The following PRR16 variants were observed in gnomAD, a reference collection of about 807,000 sequenced individuals.
PRR16 encodes proline rich 16.
PRR16 carries 6 observed loss-of-function variants against 18.2 expected under a neutral mutation model. The ratio of observed to expected loss-of-function variants is 0.33; its 90% CI spans 0.18 to 0.65. The LOEUF (loss-of-function observed/expected upper bound fraction) is 0.65, where lower values mean the gene tolerates loss of function less well. PRR16 is among the 30% of genes least tolerant of loss of function. The pLI is 0.74. For missense variants in PRR16, 412 were observed against 376.6 expected (o/e 1.09, Z -0.78); for synonymous variants, 151 against 147.8 (o/e 1.02, Z -0.16).
intron 1 of PRR16, among the ~76,000 whole-genome samples, chr5:120,575,903 A>G (rs936962777): frequency 2.6e-5 from 4 of 152,270 alleles, no homozygotes; most frequent in African/African-American, 7.2e-5. Context: ...ATTTTAAGCA[A>G]AGGTGCCAGG....
At position 120,686,215 on chromosome 5, in the gene PRR16, G is replaced by A; in HGVS notation, c.421G>A (p.Val141Ile). 1 of 1,614,104 alleles carries A rather than the reference G, an allele frequency of 6.2e-7. No homozygotes were observed. Among genetic ancestry groups the A allele is most frequent in the Non-Finnish European group, 8.5e-7 (1 of 1,180,022 alleles). Reference protein sequence around the residue: ...PVKCEDPKRVVPTANPVKTNG... With the variant: ...PVKCEDPKRVIPTANPVKTNG... ...GAAGTGTGAAGACCCCAAAAGGGTG[G>A]TTCCAACTGCCAATCCTGTAAAAAC... The change falls in exon 2 of 2, where the codon GTT becomes ATT. Residue 141 changes from valine to isoleucine, a missense_variant. Transcript: ENST00000407149.
the PRR16 span, among the ~76,000 whole-genome samples, chr5:120,748,854 A>G: frequency 2.7e-4 from 41 of 152,300 alleles, 2 homozygotes; most frequent in African/African-American, 9.9e-4. Flanking sequence ...GCAGCAATCT[A>G]GAAACGTCAG....
chr5:120,694,157 T>G, the PRR16 span, among the ~76,000 whole-genome samples: 1 of 152,252 alleles, frequency 6.6e-6, no homozygotes, highest in Non-Finnish European at 1.5e-5. Flanking sequence ...TGACACTTCT[T>G]ACCAAATTAC....
intron 1 of PRR16, among the ~76,000 whole-genome samples, chr5:120,627,667 G>T (rs1754911471): frequency 6.6e-6 from 1 of 152,012 alleles, no homozygotes; most frequent in Admixed American, 6.6e-5. Context: ...CTATTGTGCT[G>T]GCTGGCCATA....
At chr5:120,773,565 C>T in the PRR16 span, among the ~76,000 whole-genome samples, 3 of 152,102 alleles carry the variant, frequency 2.0e-5, no homozygotes, top group African/African-American at 7.2e-5. Flanking sequence ...TGTCACACAG[C>T]CACACCTAAC....
At position 120,685,974 on chromosome 5, in the gene PRR16, C is replaced by A; in HGVS notation, c.180C>A (p.Thr60=). The A allele has an allele frequency of 6.2e-7, 1 of 1,613,570 alleles. No homozygotes were observed. Among genetic ancestry groups the A allele is most frequent in the Non-Finnish European group, 8.5e-7 (1 of 1,179,750 alleles). The change falls in exon 2 of 2, where the codon ACC becomes ACA. Residue 60 remains threonine, a synonymous_variant. Coordinates refer to ENST00000407149, the MANE Select transcript of PRR16 (RefSeq NM_001300783.2). ...ACTAGGTGGTTGACCAGATTGACAC[C>A]CTGACCTCTGACCTACAGCTGGAGG... ...ELKEVVDQID[T]LTSDLQLEDE...
At chr5:120,649,972 A>G (rs1755718985) in intron 1 of PRR16, among the ~76,000 whole-genome samples, 1 of 152,000 alleles carries the variant, frequency 6.6e-6, no homozygotes, top group Admixed American at 6.6e-5. Flanking sequence ...AAAATCAGAA[A>G]CTAGTGGGAG....
chr5:120,651,425 T>A (rs1755785458), intron 1 of PRR16, among the ~76,000 whole-genome samples: 2 of 152,124 alleles, frequency 1.3e-5, no homozygotes, highest in African/African-American at 4.8e-5. Flanking sequence ...CTGAATGGTA[T>A]TGCCTAGGTT....
chr5:120,707,051 A>G, the PRR16 span, among the ~76,000 whole-genome samples: 38 of 152,184 alleles, frequency 2.5e-4, no homozygotes, highest in Non-Finnish European at 4.0e-4. Flanking sequence ...AACTGGAAAG[A>G]GGCTGGGAGA....
At chr5:120,485,326 G>A (rs1330341341) in intron 1 of PRR16, among the ~76,000 whole-genome samples, 2 of 152,022 alleles carry the variant, frequency 1.3e-5, no homozygotes, top group African/African-American at 4.8e-5. Context: ...AAATTATTAG[G>A]ATAAATATTG....
rs561953727 is a variant in PRR16 at position 120,659,565 on chromosome 5, C to G, written c.160-26389C>G. ...CTATCATCTCAAACATTTATCTTTT[C>G]TTTATGCTAGGAATATTGCATTTAT... On this transcript the variant is annotated intron_variant, in intron 1 of 1. Coordinates refer to ENST00000407149, the MANE Select transcript of PRR16 (RefSeq NM_001300783.2). 2.0e-5 allele frequency among the ~76,000 whole-genome samples: 3 copies of G among 151,998 alleles called. No individual in the cohort carries two copies. The South Asian group carries it at 6.2e-4, about 32-fold the overall frequency.
chr5:120,578,590 T>A (rs62376424), intron 1 of PRR16, among the ~76,000 whole-genome samples: 1 of 152,114 alleles, frequency 6.6e-6, no homozygotes, highest in Non-Finnish European at 1.5e-5. Flanking sequence ...TTTCTTTTTA[T>A]GGCTACATAG....
intron 1 of PRR16, among the ~76,000 whole-genome samples, chr5:120,600,084 A>T (rs1753934859): frequency 6.6e-6 from 1 of 151,838 alleles, no homozygotes; most frequent in Non-Finnish European, 1.5e-5. Context: ...AGTTCGGCTC[A>T]TCAATTATCT....
chr5:120,489,791 C>T (rs1466758663), intron 1 of PRR16, among the ~76,000 whole-genome samples: 5 of 152,190 alleles, frequency 3.3e-5, no homozygotes, highest in African/African-American at 4.8e-5. Flanking sequence ...TGGCTGGTAC[C>T]GGTTGTTCCT....
intron 1 of PRR16, among the ~76,000 whole-genome samples, chr5:120,571,424 A>G (rs951549665): frequency 1.3e-5 from 2 of 152,130 alleles, no homozygotes; most frequent in African/African-American, 2.4e-5. Context: ...TACAATAAAT[A>G]ATGGTAAGAT....
At chr5:120,550,272 T>C (rs1158240442) in intron 1 of PRR16, among the ~76,000 whole-genome samples, 1 of 151,946 alleles carries the variant, frequency 6.6e-6, no homozygotes, top group Non-Finnish European at 1.5e-5. Flanking sequence ...GCATGTTGGG[T>C]TTGAATAGCT....
At chr5:120,781,426 A>T in the PRR16 span, 1 of 152,196 alleles carries the variant, frequency 6.6e-6, no homozygotes, top group African/African-American at 2.4e-5. Context: ...TGAATAAAAA[A>T]ATATGATCTA....
chr5:120,607,357 A>G (rs538982123), intron 1 of PRR16, among the ~76,000 whole-genome samples: 1 of 152,282 alleles, frequency 6.6e-6, no homozygotes, highest in African/African-American at 2.4e-5. Context: ...TATGATAACT[A>G]TTTTTATCTT....
intron 1 of PRR16, among the ~76,000 whole-genome samples, chr5:120,667,772 A>G (rs1756444135): frequency 1.3e-5 from 2 of 151,962 alleles, no homozygotes; most frequent in Middle Eastern, 3.4e-3. Context: ...GTTTTGAGAG[A>G]GTTTCTTAAT....
Sources: allele counts gnomAD v4.1 joint callset (sites outside exome capture counted in the v4.1 genomes callset), GRCh38; gene constraint gnomAD v4.1.1; transcripts MANE v1.5; gene names NCBI Gene and HGNC (gene_info 2026-07-23, HGNC 2026-07-21).